EYA1: variants seen among roughly 807,000 people sequenced by gnomAD.
EYA1 encodes the protein protein phosphatase EYA1.
EYA1 carries 16 observed loss-of-function variants against 82.0 expected under a neutral mutation model. The observed-to-expected ratio is 0.20, with a 90% CI of 0.13 to 0.30. The LOEUF is 0.30. Ranked by LOEUF, EYA1 falls within the 10% of genes least tolerant of loss-of-function variation. EYA1 has a pLI of 1.00. For missense variants in EYA1, 633 were observed against 730.7 expected, an observed-to-expected ratio of 0.87 and a Z score of 1.54; for synonymous variants, 261 against 264.4, an observed-to-expected ratio of 0.99 and a Z score of 0.12.
intron 2 of EYA1, among the ~76,000 whole-genome samples, chr8:71,390,681 T>G (rs768515053): frequency 2.0e-5 from 3 of 152,218 alleles, no homozygotes; most frequent in Non-Finnish European, 4.4e-5. Context: ...TTTCTCTGAC[T>G]ATAGAAGAAC....
At position 71,438,738 on chromosome 8, in the gene EYA1, G is replaced by A. The variant is rs1414080031; in HGVS notation, c.34-82227C>T. On this transcript the variant is annotated intron_variant, in intron 2 of 18. Transcript: ENST00000643681. Reference sequence around the variant, plus strand: ...GTAACTATGACACATACAAGAACACGACTGAGACAGGCAATGCCACAGTGA... The same window carrying A: ...GTAACTATGACACATACAAGAACACAACTGAGACAGGCAATGCCACAGTGA... Among the ~76,000 whole-genome samples, 3 of 152,148 alleles carry A rather than the reference G, an allele frequency of 2.0e-5. No homozygotes were observed. In the East Asian group the frequency reaches 5.8e-4, roughly 29 times the overall value.
chr8:71,249,025 C>T (rs1813434804), intron 11 of EYA1, among the ~76,000 whole-genome samples: 1 of 152,060 alleles, frequency 6.6e-6, no homozygotes, highest in Admixed American at 6.5e-5. Flanking sequence ...TTTTAAAACA[C>T]CATTTTTTGT....
chr8:71,305,635 T>C (rs1820644932), intron 7 of EYA1, among the ~76,000 whole-genome samples: 1 of 138,526 alleles, frequency 7.2e-6, no homozygotes, highest in Non-Finnish European at 1.6e-5. Context: ...GACAAGAGTG[T>C]AACTCTATCT....
rs1586768127 is a variant in EYA1 at position 71,463,611 on chromosome 8, CT to C, written c.33+72132del. Reference sequence around the variant, plus strand: ...TCTCTCTCTCTCTCTCTCTCTCTCTCTCTCTCTCTCTCTCTCTCTCTCCCTC... The same window carrying C: ...TCTCTCTCTCTCTCTCTCTCTCTCTCCTCTCTCTCTCTCTCTCTCTCCCTC... On this transcript the variant is annotated intron_variant, in intron 2 of 18. Coordinates refer to the EYA1 transcript ENST00000643681. Among the ~76,000 whole-genome samples the C allele has an allele frequency of 4.5e-4, 62 of 138,800 alleles. 2 individuals are homozygous for C. Among genetic ancestry groups the C allele is most frequent in the East Asian group, 1.8e-3 (8 of 4,556 alleles). 91.1% of individuals were successfully genotyped at this position (138,800 alleles called of 152,430 possible). A position where few individuals can be genotyped will look rare whatever the true frequency, so the allele number is the denominator to read the frequency against.
chr8:71,362,349 T>C (rs1827482578), upstream of EYA1: 1 of 303,856 alleles, frequency 3.3e-6, no homozygotes, highest in African/African-American at 2.3e-5. Flanking sequence ...TGTGTGAGAA[T>C]AACTTCTCTG....
At chr8:71,324,567 C>G (rs1822940817) in intron 4 of EYA1, among the ~76,000 whole-genome samples, 1 of 152,182 alleles carries the variant, frequency 6.6e-6, no homozygotes, top group Non-Finnish European at 1.5e-5. Flanking sequence ...GTTTTCAACT[C>G]TACTCAGTGG....
At chr8:71,377,491 T>G (rs1325177762) in intron 2 of EYA1, among the ~76,000 whole-genome samples, 3 of 152,198 alleles carry the variant, frequency 2.0e-5, no homozygotes, top group African/African-American at 7.2e-5. Context: ...CTCTTGCAAA[T>G]GATTCCAATC....
chr8:71,392,973 G>A (rs571728891), intron 2 of EYA1, among the ~76,000 whole-genome samples: 16 of 151,984 alleles, frequency 1.1e-4, no homozygotes, highest in African/African-American at 3.4e-4. Context: ...AATTAATAGC[G>A]GTGCACAATT....
At chr8:71,331,333 A>C (rs1823836971) in intron 4 of EYA1, among the ~76,000 whole-genome samples, 1 of 151,514 alleles carries the variant, frequency 6.6e-6, no homozygotes, top group African/African-American at 2.4e-5. Flanking sequence ...AAAAACAAAG[A>C]ATTCTTTTAC....
At chr8:71,243,714 C>T (rs1812757292) in intron 12 of EYA1, among the ~76,000 whole-genome samples, 1 of 152,088 alleles carries the variant, frequency 6.6e-6, no homozygotes, top group Non-Finnish European at 1.5e-5. Flanking sequence ...GTGCATTTTG[C>T]TTGATTTTGA....
chr8:71,510,946 G>A (rs1812549999), intron 2 of EYA1, among the ~76,000 whole-genome samples: 1 of 152,070 alleles, frequency 6.6e-6, no homozygotes, highest in Non-Finnish European at 1.5e-5. Context: ...TTGTGCCAGG[G>A]AGGGAGTCTT....
At chr8:71,275,130 T>C (rs1454636600) in intron 9 of EYA1, among the ~76,000 whole-genome samples, 1 of 152,000 alleles carries the variant, frequency 6.6e-6, no homozygotes, top group Non-Finnish European at 1.5e-5. Flanking sequence ...GAGAGGAGAC[T>C]GAGAATGGGA....
chr8:71,488,439 G>A (rs994337504), intron 2 of EYA1, among the ~76,000 whole-genome samples: 1 of 152,162 alleles, frequency 6.6e-6, no homozygotes, highest in African/African-American at 2.4e-5. Flanking sequence ...ACATAGAACA[G>A]GGATGAATCT....
At chr8:71,226,690 A>C (rs1309558847) in intron 12 of EYA1, among the ~76,000 whole-genome samples, 1 of 150,260 alleles carries the variant, frequency 6.7e-6, no homozygotes, top group Non-Finnish European at 1.5e-5. Context: ...TTTTAATATA[A>C]GGATAATTAA....
At chr8:71,389,096 C>T (rs1563560958) in intron 2 of EYA1, among the ~76,000 whole-genome samples, 1 of 151,646 alleles carries the variant, frequency 6.6e-6, no homozygotes, top group East Asian at 1.9e-4. Flanking sequence ...CACACACAGG[C>T]AGAGAGAGAG....
At chr8:71,356,084 A>G (rs2129071404) in intron 2 of EYA1, among the ~76,000 whole-genome samples, 1 of 152,286 alleles carries the variant, frequency 6.6e-6, no homozygotes, top group South Asian at 2.1e-4. Flanking sequence ...GGTCGCACTT[A>G]CATTGACTAT....
At chr8:71,372,518 C>T (rs1271716307) in intron 2 of EYA1, among the ~76,000 whole-genome samples, 2 of 151,950 alleles carry the variant, frequency 1.3e-5, no homozygotes, top group Non-Finnish European at 2.9e-5. Flanking sequence ...ACTAGACAAT[C>T]CAAATAGGAG....
chr8:71,391,124 C>T (rs895486081), intron 2 of EYA1, among the ~76,000 whole-genome samples: 1 of 152,086 alleles, frequency 6.6e-6, no homozygotes, highest in African/African-American at 2.4e-5. Flanking sequence ...CAGGTGTGTG[C>T]CACCACACAC....
chr8:71,432,217 A>G (rs1244860681), intron 2 of EYA1, among the ~76,000 whole-genome samples: 1 of 152,166 alleles, frequency 6.6e-6, no homozygotes, highest in African/African-American at 2.4e-5. Flanking sequence ...TAGAACCTAG[A>G]GCAATGCTCT....
Sources: gnomAD v4.1 joint callset for allele counts (sites outside exome capture counted in the v4.1 genomes callset) on GRCh38, gnomAD v4.1.1 for gene constraint, MANE v1.5 for transcripts, NCBI Gene and HGNC (gene_info 2026-07-23, HGNC 2026-07-21) for gene names.